ROR1: variants seen among roughly 807,000 people sequenced by gnomAD.
ROR1 encodes inactive tyrosine-protein kinase transmembrane receptor ROR1.
In ROR1, 19 loss-of-function variants were observed where a neutral mutation model predicts 78.8. The ratio of observed to expected loss-of-function variants is 0.24; its 90% CI spans 0.17 to 0.35. ROR1 has a LOEUF of 0.35. Ranked by LOEUF, ROR1 falls within the 10% of genes least tolerant of loss-of-function variation. The pLI is 1.00. For synonymous variants in ROR1, 386 were observed against 433.6 expected, an observed-to-expected ratio of 0.89 and a Z score of 1.36; for missense variants, 917 against 1,177.8, an observed-to-expected ratio of 0.78 and a Z score of 3.24.
At chr1:63,982,751 A>G (rs747878966) in intron 1 of ROR1, among the ~76,000 whole-genome samples, 11 of 152,332 alleles carry the variant, frequency 7.2e-5, no homozygotes, top group Non-Finnish European at 1.3e-4. Flanking sequence ...TCCCTTTGGT[A>G]CTAAAGGGAG....
intron 4 of ROR1, among the ~76,000 whole-genome samples, chr1:64,081,114 TG>T (rs1167931364): frequency 6.6e-6 from 1 of 152,164 alleles, no homozygotes; most frequent in East Asian, 1.9e-4. Flanking sequence ...CTACACTTCA[TG>T]ACTCAGCATT....
chr1:63,949,578 G>A (rs965327195), intron 1 of ROR1, among the ~76,000 whole-genome samples: 2 of 152,072 alleles, frequency 1.3e-5, no homozygotes, highest in South Asian at 2.1e-4. Flanking sequence ...TCCTTTTTAC[G>A]GGTGCTATTT....
chr1:63,905,758 T>C (rs992371132), intron 1 of ROR1, among the ~76,000 whole-genome samples: 6 of 152,130 alleles, frequency 3.9e-5, no homozygotes, highest in Non-Finnish European at 8.8e-5. Context: ...GATAAGAGTC[T>C]AACTTAAAAT....
At chr1:64,100,736 T>C (rs1647496022) in intron 4 of ROR1, among the ~76,000 whole-genome samples, 1 of 152,176 alleles carries the variant, frequency 6.6e-6, no homozygotes, top group Admixed American at 6.5e-5. Context: ...AAATGTGTTT[T>C]AAGGGAATAT....
At chr1:64,164,575 T>A (rs1650033294) in intron 8 of ROR1, among the ~76,000 whole-genome samples, 1 of 152,242 alleles carries the variant, frequency 6.6e-6, no homozygotes, top group Non-Finnish European at 1.5e-5. Flanking sequence ...CTATTATTGT[T>A]ATAACTGATG....
chr1:64,047,067 T>C (rs1433323592), intron 2 of ROR1, among the ~76,000 whole-genome samples: 1 of 152,202 alleles, frequency 6.6e-6, no homozygotes, highest in African/African-American at 2.4e-5. Flanking sequence ...CCATTAGTGA[T>C]GGAAGCTTTG....
At chr1:64,172,793 C>T (rs187476616) in intron 8 of ROR1, among the ~76,000 whole-genome samples, 9 of 152,222 alleles carry the variant, frequency 5.9e-5, no homozygotes, top group Admixed American at 5.2e-4. Flanking sequence ...CATAGTTTTC[C>T]ACCACATTGG....
chr1:63,853,676 T>A lies in ROR1; in HGVS notation c.91+79168T>A, dbSNP rs148542604. The stretch of plus-strand genomic sequence containing the variant: ...TTCTTCAGCAAAATAGTCTGTAAAT[T>A]GAACATTAAACAGTGCACTGGGGAC... On this transcript the variant is annotated intron_variant, in intron 1 of 8. Transcript: ENST00000371079. Among the ~76,000 whole-genome samples the A allele has an allele frequency of 3.1e-3, 474 of 152,294 alleles. 2 individuals carry two copies. Among genetic ancestry groups the A allele is most frequent in the African/African-American group, 0.011 (449 of 41,548 alleles).
intron 1 of ROR1, among the ~76,000 whole-genome samples, chr1:63,835,862 C>G (rs1238476448): frequency 6.6e-6 from 1 of 152,158 alleles, no homozygotes; most frequent in Admixed American, 6.5e-5. Context: ...CAACCGTCTC[C>G]TTTTAGAGGA....
At chr1:63,916,023 G>A (rs1645606731) in intron 1 of ROR1, among the ~76,000 whole-genome samples, 1 of 152,088 alleles carries the variant, frequency 6.6e-6, no homozygotes, top group African/African-American at 2.4e-5. Flanking sequence ...CTCTAGAATG[G>A]TTCAGTTGTT....
chr1:63,938,267 T>C (rs1645809219), intron 1 of ROR1, among the ~76,000 whole-genome samples: 1 of 152,198 alleles, frequency 6.6e-6, no homozygotes, highest in Admixed American at 6.5e-5. Flanking sequence ...ATAAGTAATC[T>C]GGAGATGATT....
At chr1:63,791,686 C>T (rs551381785) in intron 1 of ROR1, among the ~76,000 whole-genome samples, 91 of 152,192 alleles carry the variant, frequency 6.0e-4, no homozygotes, top group African/African-American at 2.1e-3. Flanking sequence ...CATCTGTCTT[C>T]CCAGAATGTT....
intron 1 of ROR1, among the ~76,000 whole-genome samples, chr1:63,988,647 C>A (rs1646270072): frequency 6.6e-6 from 1 of 152,194 alleles, no homozygotes; most frequent in Non-Finnish European, 1.5e-5. Context: ...TTCCACCCCA[C>A]CCTGCCTCTG....
intron 1 of ROR1, among the ~76,000 whole-genome samples, chr1:63,990,076 T>C (rs1240896178): frequency 2.0e-5 from 3 of 152,224 alleles, no homozygotes; most frequent in African/African-American, 4.8e-5. Context: ...CCCGTGTACC[T>C]TCCTCATGGT....
At position 64,021,229 on chromosome 1, in the gene ROR1, A is replaced by T. The variant is rs148321089; in HGVS notation, c.163+11853A>T. ...TATAGAATTAAAACTGACTTACAAG[A>T]TTTTTCTATCCATGGTCTTTACTTG... On this transcript the variant is annotated intron_variant, in intron 2 of 8. Transcript: ENST00000371079. Among the ~76,000 whole-genome samples, 356 of 152,190 alleles carry T rather than the reference A, an allele frequency of 2.3e-3. 1 individual carries two copies. The highest frequency in any genetic ancestry group is 8.3e-3 in the African/African-American group (345 of 41,536).
At chr1:63,881,173 A>G (rs956039549) in intron 1 of ROR1, among the ~76,000 whole-genome samples, 2 of 152,194 alleles carry the variant, frequency 1.3e-5, no homozygotes, top group African/African-American at 4.8e-5. Flanking sequence ...GGCTCATCCC[A>G]GGGGCTATCT....
At chr1:63,856,291 G>A (rs1207824909) in intron 1 of ROR1, among the ~76,000 whole-genome samples, 1 of 152,176 alleles carries the variant, frequency 6.6e-6, no homozygotes, top group African/African-American at 2.4e-5. Context: ...TGAAGATTTG[G>A]AAGACTGAAA....
chr1:63,962,143 C>T (rs1646034837), intron 1 of ROR1, among the ~76,000 whole-genome samples: 1 of 152,076 alleles, frequency 6.6e-6, no homozygotes, highest in Admixed American at 6.6e-5. Flanking sequence ...ATCTATAGTC[C>T]CAGCTACTTG....
intron 2 of ROR1, among the ~76,000 whole-genome samples, chr1:64,041,214 A>G (rs1421167750): frequency 2.0e-5 from 3 of 152,284 alleles, no homozygotes; most frequent in African/African-American, 7.2e-5. Flanking sequence ...GGTTCTGGTG[A>G]TGACAAAATG....
Sources: gnomAD v4.1 joint callset for allele counts (sites outside exome capture counted in the v4.1 genomes callset) on GRCh38, gnomAD v4.1.1 for gene constraint, MANE v1.5 for transcripts, NCBI Gene and HGNC (gene_info 2026-07-23, HGNC 2026-07-21) for gene names.